The following ABCA13 variants were observed in gnomAD, a reference collection of about 807,000 sequenced individuals.
ABCA13 encodes the protein ATP binding cassette subfamily A member 13, also known as ATP-binding cassette sub-family A member 13.
ABCA13 carries 476 observed loss-of-function variants against 478.7 expected under a neutral mutation model. That is an observed-to-expected ratio of 0.99 (90% CI 0.92 to 1.07). The LOEUF (loss-of-function observed/expected upper bound fraction) is 1.07. Ranked by LOEUF, ABCA13 falls within the 50% of genes least tolerant of loss-of-function variation. The pLI is 0.00. For missense variants in ABCA13, 6,060 were observed against 5,910.6 expected (o/e 1.03, Z -0.83); for synonymous variants, 2,252 against 2,158.9 (o/e 1.04, Z -1.20).
intron 29 of ABCA13, among the ~76,000 whole-genome samples, chr7:48,345,044 ATGATGT>A (rs1342883660): frequency 6.6e-6 from 1 of 152,196 alleles, no homozygotes; most frequent in East Asian, 1.9e-4. Context: ...TGCATACATG[ATGATGT>A]TCCTATAAGG....
intron 35 of ABCA13, among the ~76,000 whole-genome samples, chr7:48,378,347 C>A (rs1001222431): frequency 6.6e-6 from 1 of 152,074 alleles, no homozygotes; most frequent in Non-Finnish European, 1.5e-5. Flanking sequence ...GAAATTCTTT[C>A]TAAAGTTCAA....
chr7:48,507,007 G>T lies in ABCA13; in HGVS notation c.13346+617G>T, dbSNP rs574154168. ...TTTTTATGACCTACCAAATTAAGTC[G>T]CAGAATGCAAATCTGCTTAATGGGC... On this transcript the variant is annotated intron_variant, in intron 49 of 61. Coordinates refer to ENST00000435803, the MANE Select transcript of ABCA13 (RefSeq NM_152701.5). Among the ~76,000 whole-genome samples, 7 of 152,274 alleles carry T rather than the reference G, an allele frequency of 4.6e-5. No homozygotes were observed. In the South Asian group the frequency reaches 1.5e-3, roughly 32 times the overall value.
intron 55 of ABCA13, among the ~76,000 whole-genome samples, chr7:48,566,220 A>G (rs888456905): frequency 6.6e-6 from 1 of 152,148 alleles, no homozygotes; most frequent in African/African-American, 2.4e-5. Context: ...TTAATTTCCA[A>G]AATTTCTTGA....
intron 35 of ABCA13, among the ~76,000 whole-genome samples, chr7:48,378,954 AT>A (rs1039208995): frequency 7.6e-4 from 115 of 152,280 alleles, no homozygotes; most frequent in African/African-American, 2.6e-3. Context: ...TCATTTCAAC[AT>A]TTTGTTTAGT....
chr7:48,352,104 G>A lies in ABCA13; in HGVS notation c.10382-77G>A, dbSNP rs995821805. 251 of 1,426,280 alleles carry A rather than the reference G, an allele frequency of 1.8e-4. 1 individual carries two copies. Among genetic ancestry groups the A allele is most frequent in the Non-Finnish European group, 3.9e-5 (41 of 1,054,426 alleles). 88.4% of individuals were successfully genotyped at this position (1,426,280 alleles called of 1,614,324 possible). ...GTCTCAGGCTCCTGCAACTTTTCCT[G>A]TCTCACCCAGTGTAGGCGTGGTTTG... On this transcript the variant is annotated intron_variant, in intron 30 of 61. Transcript: ENST00000435803.
At chr7:48,230,967 G>A (rs1162249571) in intron 7 of ABCA13, among the ~76,000 whole-genome samples, 1 of 152,100 alleles carries the variant, frequency 6.6e-6, no homozygotes, top group African/African-American at 2.4e-5. Context: ...AGAATGCATG[G>A]ACACAGGGAG....
At position 48,387,734 on chromosome 7, in the gene ABCA13, C is replaced by T. The variant is rs556411734; in HGVS notation, c.11336-88C>T. On this transcript the variant is annotated intron_variant, in intron 35 of 61. Transcript: ENST00000435803. ...TATTAAAAATATTAACATGGGATGA[C>T]ATTTTATATTAATTACTTAAGATAT... 3.7e-5 allele frequency: 40 copies of T among 1,077,976 alleles called. No homozygotes were observed. The African/African-American group carries it at 6.3e-4, about 17-fold the overall frequency. The allele number at this position is 1,077,976 out of a possible 1,614,324, so 66.8% of individuals were successfully genotyped here. A position where few individuals can be genotyped will look rare whatever the true frequency, so the allele number is the denominator to read the frequency against.
chr7:48,417,453 T>C (rs1820174019), intron 41 of ABCA13, among the ~76,000 whole-genome samples: 1 of 152,236 alleles, frequency 6.6e-6, no homozygotes, highest in Non-Finnish European at 1.5e-5. Context: ...TTATGTTTCA[T>C]CACTTCCTGT....
intron 42 of ABCA13, among the ~76,000 whole-genome samples, chr7:48,453,184 T>C (rs1231985355): frequency 6.6e-6 from 1 of 152,124 alleles, no homozygotes; most frequent in African/African-American, 2.4e-5. Flanking sequence ...ATTTCAATCT[T>C]CTGGGAAGTT....
chr7:48,559,071 A>G (rs565347160), intron 55 of ABCA13, among the ~76,000 whole-genome samples: 1 of 152,236 alleles, frequency 6.6e-6, no homozygotes, highest in East Asian at 1.9e-4. Context: ...GGGCTCTACA[A>G]TCAGCAGGTG....
chr7:48,528,938 G>C (rs1296440829), intron 55 of ABCA13, among the ~76,000 whole-genome samples: 4 of 152,226 alleles, frequency 2.6e-5, no homozygotes, highest in African/African-American at 2.4e-5. Context: ...ACCCCTGCAG[G>C]CTCTGTGGGT....
At chr7:48,354,954 A>G (rs1441000401) in intron 31 of ABCA13, among the ~76,000 whole-genome samples, 1 of 152,070 alleles carries the variant, frequency 6.6e-6, no homozygotes, top group Non-Finnish European at 1.5e-5. Flanking sequence ...TCATTAATTT[A>G]TGAATTTATT....
rs150768125 is a variant in ABCA13, at chr7:48,595,351, C to T, written c.14744+538C>T. ...AATTACAAATATAGATTTCATAAAA[C>T]CTACTTATGGGGAGTGAGCAATATG... is the stretch of plus-strand genomic sequence containing the variant. On this transcript the variant is annotated intron_variant, in intron 58 of 61. Transcript: ENST00000435803. Among the ~76,000 whole-genome samples the T allele has an allele frequency of 4.3e-3, 649 of 152,306 alleles. 6 individuals are homozygous for T. The highest frequency in any genetic ancestry group is 0.015 in the African/African-American group (624 of 41,564).
chr7:48,508,857 G>A (rs1438445420), intron 50 of ABCA13, among the ~76,000 whole-genome samples: 2 of 152,100 alleles, frequency 1.3e-5, no homozygotes, highest in Non-Finnish European at 2.9e-5. Flanking sequence ...TTTCCTGTAA[G>A]GTTTATTTCT....
At position 48,234,217 on chromosome 7, in the gene ABCA13, G is replaced by C. The variant is rs1372227702; in HGVS notation, c.897+66G>C. ...CTGGAGACTGGATCTAGAGCATGCT[G>C]CTGGGGCAGGGTGAGCGGGTGCCAC... On this transcript the variant is annotated intron_variant, in intron 8 of 61. Transcript: ENST00000435803. The C allele has an allele frequency of 2.5e-6, 4 of 1,610,758 alleles. No homozygotes were observed. The South Asian group carries it at 4.4e-5, about 18-fold the overall frequency.
At chr7:48,172,878 T>C (rs1274653332) in intron 1 of ABCA13, among the ~76,000 whole-genome samples, 1 of 150,434 alleles carries the variant, frequency 6.6e-6, no homozygotes, top group African/African-American at 2.5e-5. Context: ...TCTTCATTGA[T>C]TGTTAGTGTG....
intron 13 of ABCA13, among the ~76,000 whole-genome samples, chr7:48,247,967 T>C (rs1791951817): frequency 6.6e-6 from 1 of 152,228 alleles, no homozygotes; most frequent in Admixed American, 6.5e-5. Flanking sequence ...AGGCTACTTG[T>C]TGCAACTAGC....
intron 27 of ABCA13, among the ~76,000 whole-genome samples, chr7:48,318,757 G>T (rs1802959693): frequency 6.6e-6 from 1 of 151,730 alleles, no homozygotes; most frequent in Non-Finnish European, 1.5e-5. Context: ...TAGGGTTTTG[G>T]ATATTTAAGG....
At chr7:48,626,091 A>C (rs1369613097) in intron 59 of ABCA13, among the ~76,000 whole-genome samples, 1 of 152,226 alleles carries the variant, frequency 6.6e-6, no homozygotes, top group Non-Finnish European at 1.5e-5. Flanking sequence ...TTAAACCTGC[A>C]AACATTACTG....
Sources: gnomAD v4.1 joint callset for allele counts (sites outside exome capture counted in the v4.1 genomes callset) on GRCh38, gnomAD v4.1.1 for gene constraint, MANE v1.5 for transcripts, NCBI Gene and HGNC (gene_info 2026-07-23, HGNC 2026-07-21) for gene names.